The following DCHS2 variants were observed in gnomAD, a reference collection of about 807,000 sequenced individuals.
DCHS2 encodes the protein dachsous cadherin-related 2, also known as protocadherin-23.
DCHS2 carries 142 observed loss-of-function variants against 182.4 expected under a neutral mutation model. The observed-to-expected ratio is 0.78, with a 90% CI of 0.68 to 0.89. The LOEUF (loss-of-function observed/expected upper bound fraction) is 0.89. DCHS2 is among the 40% of genes least tolerant of loss of function. The pLI is 0.00. For missense variants in DCHS2, 4,319 were observed against 4,198.6 expected, an observed-to-expected ratio of 1.03 and a Z score of -0.79; for synonymous variants, 1,740 against 1,663.3, an observed-to-expected ratio of 1.05 and a Z score of -1.12.
At chr4:154,374,002 C>CAAAAAAAAA in intron 2 of DCHS2, 3 of 595,244 alleles carry the variant, frequency 5.0e-6, no homozygotes, top group Admixed American at 4.3e-5. Flanking sequence ...ATTTTAATAG[C>CAAAAAAAAA]AAAAAAAAAA....
At chr4:154,362,703 C>T (rs1730181110) in intron 3 of DCHS2, among the ~76,000 whole-genome samples, 1 of 152,086 alleles carries the variant, frequency 6.6e-6, no homozygotes, top group Admixed American at 6.6e-5. Context: ...CCGTCTCTAC[C>T]ACCTCCGACA....
intron 1 of DCHS2, among the ~76,000 whole-genome samples, chr4:154,442,527 A>ACCCC (rs781744254): frequency 4.0e-5 from 2 of 50,434 alleles, no homozygotes; most frequent in African/African-American, 7.2e-5. Flanking sequence ...TGAAAAGTGG[A>ACCCC]CACCCCCCCC....
rs140918208 is a variant in DCHS2, at chr4:154,343,715, T to G, written c.2477-8611A>C. 4.0e-4 allele frequency: 523 copies of G among 1,319,592 alleles called. 6 individuals are homozygous for G. The East Asian group carries it at 0.012, about 31-fold the overall frequency. 81.7% of individuals were successfully genotyped at this position (1,319,592 alleles called of 1,614,324 possible). Reference sequence around the variant, plus strand: ...GGCTTAAGGGAATGATGTGGCTGCTTTGATCTATCCAGACCACTCAAACTT... The same window carrying G: ...GGCTTAAGGGAATGATGTGGCTGCTGTGATCTATCCAGACCACTCAAACTT... On this transcript the variant is annotated intron_variant, in intron 3 of 19. Transcript: ENST00000357232.
intron 2 of DCHS2, among the ~76,000 whole-genome samples, chr4:154,368,760 A>G (rs752571047): frequency 1.3e-5 from 2 of 152,090 alleles, no homozygotes; most frequent in Admixed American, 6.5e-5. Flanking sequence ...TGGCCTCCCA[A>G]AGTTCTGGGA....
intron 16 of DCHS2, among the ~76,000 whole-genome samples, chr4:154,249,938 C>G (rs973407424): frequency 6.6e-6 from 1 of 152,072 alleles, no homozygotes; most frequent in South Asian, 2.1e-4. Flanking sequence ...TACCTGAGTA[C>G]TGTGCTCACT....
chr4:154,326,333 C>A (rs1736281800), intron 7 of DCHS2, among the ~76,000 whole-genome samples: 1 of 152,118 alleles, frequency 6.6e-6, no homozygotes, highest in South Asian at 2.1e-4. Flanking sequence ...TTAATAAATT[C>A]TGAATACTAA....
intron 1 of DCHS2, among the ~76,000 whole-genome samples, chr4:154,412,042 G>T (rs1000573051): frequency 2.6e-5 from 4 of 152,076 alleles, no homozygotes; most frequent in Non-Finnish European, 1.5e-5. Context: ...TTTAAAAACT[G>T]AATTCTATGT....
chr4:154,292,072 A>G (rs992971919), intron 13 of DCHS2, among the ~76,000 whole-genome samples: 2 of 152,186 alleles, frequency 1.3e-5, no homozygotes, highest in African/African-American at 4.8e-5. Flanking sequence ...CCATAAATAT[A>G]TATACCTACT....
intron 1 of DCHS2, among the ~76,000 whole-genome samples, chr4:154,407,937 G>C (rs1453032688): frequency 6.6e-6 from 1 of 151,866 alleles, no homozygotes; most frequent in Non-Finnish European, 1.5e-5. Flanking sequence ...AAATGCAAAA[G>C]TTTCTATAAC....
intron 1 of DCHS2, among the ~76,000 whole-genome samples, chr4:154,443,034 C>G (rs182071137): frequency 6.6e-5 from 10 of 152,136 alleles, no homozygotes; most frequent in African/African-American, 2.4e-4. Flanking sequence ...CACCTCCTCC[C>G]CTCTGTCCAG....
At chr4:154,473,453 A>T (rs534030546) in intron 1 of DCHS2, among the ~76,000 whole-genome samples, 1 of 152,368 alleles carries the variant, frequency 6.6e-6, no homozygotes, top group South Asian at 2.1e-4. Context: ...GGGAGAGCTA[A>T]TATTATACAA....
chr4:154,366,596 C>A (rs1032007063), intron 2 of DCHS2, among the ~76,000 whole-genome samples, 155 bp from the exon 3 acceptor site: 3 of 151,758 alleles, frequency 2.0e-5, no homozygotes, highest in East Asian at 1.9e-4. Flanking sequence ...ATACACACAC[C>A]CCCATACATA....
At chr4:154,270,477 G>T (rs1365471005) in intron 13 of DCHS2, among the ~76,000 whole-genome samples, 1 of 151,870 alleles carries the variant, frequency 6.6e-6, no homozygotes, top group Non-Finnish European at 1.5e-5. Context: ...GCTAGGAAAG[G>T]GCTTGGTTGG....
chr4:154,395,018 G>A (rs1194398392), intron 1 of DCHS2, among the ~76,000 whole-genome samples: 1 of 152,096 alleles, frequency 6.6e-6, no homozygotes, highest in Non-Finnish European at 1.5e-5. Flanking sequence ...CTGTAGCAAG[G>A]ACAAAAGGCG....
At chr4:154,460,354 G>A (rs956863558) in intron 1 of DCHS2, among the ~76,000 whole-genome samples, 1 of 152,184 alleles carries the variant, frequency 6.6e-6, no homozygotes, top group African/African-American at 2.4e-5. Context: ...ATCTTCCTAA[G>A]GGAGATTTGT....
intron 1 of DCHS2, among the ~76,000 whole-genome samples, chr4:154,472,491 T>C (rs925827503): frequency 6.6e-6 from 1 of 152,194 alleles, no homozygotes; most frequent in Non-Finnish European, 1.5e-5. Flanking sequence ...TAAAGAACAC[T>C]ACCTTTTTGT....
In DCHS2 at chr4:154,333,371, A is replaced by G. The variant is rs112889386; in HGVS notation, c.2837T>C (p.Val946Ala). The G allele has an allele frequency of 1.4e-3, 2,208 of 1,614,146 alleles. 26 individuals carry two copies. In the African/African-American group the frequency reaches 0.025, roughly 18 times the overall value. ...GAGCTGCGCCTGCACCGTGAGCACA[A>G]CCACGGGCTGCGTCTCGTGATCCAG... ...KPLDHETQPV[V>A]VLTVQAQLGS... Residue 946 changes from valine to alanine, a missense_variant, in exon 5 of 20, where the codon GTT (valine) becomes GCT (alanine). Physicochemically the swap from Val to Ala is moderately conservative, Grantham distance 64 (BLOSUM62 0). Coordinates refer to ENST00000357232, the MANE Select transcript of DCHS2 (RefSeq NM_001358235.2).
Position 154,366,390 on chromosome 4 carries a change from C to T in DCHS2, c.2296G>A (p.Asp766Asn). 2 of 1,613,854 alleles carry T rather than the reference C, an allele frequency of 1.2e-6. No individual in the cohort carries two copies. Among genetic ancestry groups the T allele is most frequent in the Non-Finnish European group, 1.7e-6 (2 of 1,179,928 alleles). ...FVRVDLEDVN[D>N]NHPVFNPSTY... Reference sequence around the variant, plus strand: ...GATGGGTTAAACACAGGATGATTATCATTCACGTCCTCCAGGTCCACACGA... The same window carrying T: ...GATGGGTTAAACACAGGATGATTATTATTCACGTCCTCCAGGTCCACACGA... Residue 766 changes from aspartate (D) to asparagine (N), a missense_variant, in exon 3 of 20, where the codon GAT (aspartate) becomes AAT (asparagine). By Grantham distance (23) the Asp-to-Asn change is conservative (BLOSUM62 1). Transcript: ENST00000357232.
chr4:154,299,152 T>A (rs1165064052), intron 12 of DCHS2, among the ~76,000 whole-genome samples: 4 of 152,246 alleles, frequency 2.6e-5, no homozygotes. Context: ...CAGATTTGAT[T>A]TGTAGTTATT....
Sources: allele counts gnomAD v4.1 joint callset (sites outside exome capture counted in the v4.1 genomes callset), GRCh38; gene constraint gnomAD v4.1.1; transcripts MANE v1.5; gene names NCBI Gene and HGNC (gene_info 2026-07-23, HGNC 2026-07-21).